Variants in RAB23 observed in about 807,000 individuals in gnomAD.
RAB23 encodes ras-related protein Rab-23.
RAB23 carries 15 observed loss-of-function variants against 30.0 expected under a neutral mutation model. That is an observed-to-expected ratio of 0.50 (90% CI 0.33 to 0.77). RAB23 has a LOEUF of 0.77. RAB23 is among the 30% of genes least tolerant of loss of function. The pLI is 0.02. For missense variants in RAB23, 243 were observed against 275.4 expected, an observed-to-expected ratio of 0.88 and a Z score of 0.83; for synonymous variants, 93 against 94.0, an observed-to-expected ratio of 0.99 and a Z score of 0.06.
intron 1 of RAB23, among the ~76,000 whole-genome samples, chr6:57,217,820 A>C (rs1457905789): frequency 3.9e-5 from 6 of 152,216 alleles, no homozygotes; most frequent in Non-Finnish European, 7.3e-5. Context: ...TTTTGAGAAG[A>C]TCAATAAATT....
intron 6 of RAB23, among the ~76,000 whole-genome samples, chr6:57,191,610 C>T (rs1205639004): frequency 7.2e-5 from 11 of 151,826 alleles, no homozygotes; most frequent in East Asian, 3.9e-4. Flanking sequence ...CCGCCACGCC[C>T]GGCTAATTTT....
Position 57,189,526 on chromosome 6 carries a change from T to G in RAB23, c.*935A>C, listed in dbSNP as rs1219092802. On this transcript the variant is annotated 3_prime_UTR_variant, in exon 7 of 7. Transcript: ENST00000468148. ...TGTGCTGTGTACCTTCTTAAGGGGC[T>G]TTGGCTGACCTTATGAGAGCAGGAG... 6.6e-6 allele frequency: 1 copy of G among 152,278 alleles called. No individual in the cohort carries two copies. Among genetic ancestry groups the G allele is most frequent in the African/African-American group, 2.4e-5 (1 of 41,458 alleles). The allele number at this position is 152,278 out of a possible 1,614,324, so 9.4% of individuals were successfully genotyped here.
At chr6:57,210,039 G>A (rs1416490468) in intron 2 of RAB23, among the ~76,000 whole-genome samples, 187 bp downstream of exon 2, 1 of 148,688 alleles carries the variant, frequency 6.7e-6, no homozygotes, top group African/African-American at 2.6e-5. Flanking sequence ...TGAAAGAAGG[G>A]AAGAGATGAA....
chr6:57,210,683 C>T (rs1765620650), intron 1 of RAB23, among the ~76,000 whole-genome samples: 1 of 152,192 alleles, frequency 6.6e-6, no homozygotes, highest in Non-Finnish European at 1.5e-5. Flanking sequence ...ATACCTAGAT[C>T]TACTTTCATA....
chr6:57,211,430 A>C (rs1464050742), intron 1 of RAB23, among the ~76,000 whole-genome samples: 2 of 152,206 alleles, frequency 1.3e-5, no homozygotes, highest in Non-Finnish European at 2.9e-5. Flanking sequence ...ACTGTACTCC[A>C]GCCTAGGTGA....
intron 4 of RAB23, among the ~76,000 whole-genome samples, chr6:57,195,172 C>T (rs1400182467): frequency 6.6e-6 from 1 of 152,132 alleles, no homozygotes; most frequent in Non-Finnish European, 1.5e-5. Flanking sequence ...ATCTCTAGCC[C>T]TAAACTAAGA....
At chr6:57,192,014 C>CT (rs1328135395) in intron 6 of RAB23, among the ~76,000 whole-genome samples, 1,758 of 145,814 alleles carry the variant, frequency 0.012, 33 homozygotes, top group African/African-American at 0.041. Flanking sequence ...GCTAATTTTT[C>CT]TTTTTTTTTT....
intron 3 of RAB23, among the ~76,000 whole-genome samples, chr6:57,198,741 G>A (rs902586092): frequency 8.6e-5 from 13 of 151,924 alleles, no homozygotes; most frequent in Middle Eastern, 3.2e-3. Flanking sequence ...TAAGCCTACA[G>A]CTTTATGTCC....
intron 3 of RAB23, among the ~76,000 whole-genome samples, chr6:57,200,536 CAAA>C (rs989178921): frequency 1.2e-4 from 5 of 42,660 alleles, no homozygotes; most frequent in Non-Finnish European, 2.0e-4. Context: ...GACTCTGTCT[CAAA>C]AAAAAAAAAA....
rs553429614 is a variant in RAB23 at position 57,212,703 on chromosome 6, A to C, written c.-65-2258T>G. 1.7e-4 allele frequency among the ~76,000 whole-genome samples: 25 copies of C among 145,972 alleles called. No individual in the cohort carries two copies. In the South Asian group the frequency reaches 2.0e-3, roughly 12 times the overall value. Reference sequence around the variant, plus strand: ...TCAAGACCAGCCTGGGCACCATGTGAGTCCCTGTCTCTACCAAAAAAAAAA... The same window carrying C: ...TCAAGACCAGCCTGGGCACCATGTGCGTCCCTGTCTCTACCAAAAAAAAAA... On this transcript the variant is annotated intron_variant, in intron 1 of 6. Transcript: ENST00000468148.
chr6:57,194,549 A>G (rs1194991216), intron 5 of RAB23, among the ~76,000 whole-genome samples: 2 of 152,122 alleles, frequency 1.3e-5, no homozygotes, highest in African/African-American at 4.8e-5. Flanking sequence ...TTCAAAGATA[A>G]TAATAAAAAT....
chr6:57,205,240 GTA>G (rs1195339889), intron 3 of RAB23, among the ~76,000 whole-genome samples: 2 of 151,684 alleles, frequency 1.3e-5, no homozygotes, highest in East Asian at 3.9e-4. Context: ...GTGTGTGTAT[GTA>G]TGTGTGTGTG....
chr6:57,203,897 G>T (rs1765358360), intron 3 of RAB23, among the ~76,000 whole-genome samples: 2 of 152,138 alleles, frequency 1.3e-5, no homozygotes, highest in Non-Finnish European at 2.9e-5. Flanking sequence ...AGTAAATAGA[G>T]TGGTAAGTAG....
rs1204259716 is a variant in RAB23, at chr6:57,221,756, G to GCGCTGC, written c.-102_-97dup. The GCGCTGC allele has an allele frequency of 1.3e-5, 2 of 152,306 alleles. No homozygotes were observed. The highest frequency in any genetic ancestry group is 2.9e-5 in the Non-Finnish European group (2 of 68,102). The allele number at this position is 152,306 out of a possible 1,614,324, so 9.4% of individuals were successfully genotyped here. On this transcript the variant is annotated 5_prime_UTR_variant, in exon 1 of 7. Coordinates refer to ENST00000468148, the MANE Select transcript of RAB23 (RefSeq NM_016277.5). ...GGAGCTGGGAGGGGGCGCCGGGCTG[G>GCGCTGC]CGCTGCCGCCCACCTTCTCTAGCTG... is the stretch of plus-strand genomic sequence containing the variant.
In RAB23 at chr6:57,196,525, ACTACTT is replaced by A. The variant is rs1168872090; in HGVS notation, c.317_322del (p.Lys106_Val108delinsIle). 1 of 1,614,038 alleles carries A rather than the reference ACTACTT, an allele frequency of 6.2e-7. No homozygotes were observed. The highest frequency in any genetic ancestry group is 1.7e-5 in the Admixed American group (1 of 60,008). On this transcript the variant is annotated inframe_deletion, in exon 4 of 7. Coordinates refer to ENST00000468148, the MANE Select transcript of RAB23 (RefSeq NM_016277.5). ...AGTTGGTATATCTCCCACTTCGGCT[ACTACTT>A]TCTCTCTCCAACTGGAAACTGCTTC... is the stretch of plus-strand genomic sequence containing the variant.
rs147150019 is a variant in RAB23, at chr6:57,206,265, G to A, written c.241+1363C>T. Among the ~76,000 whole-genome samples, 53 of 152,180 alleles carry A rather than the reference G, an allele frequency of 3.5e-4. 1 individual carries two copies. The highest frequency in any genetic ancestry group is 1.3e-3 in the African/African-American group (53 of 41,532). Reference sequence around the variant, plus strand: ...AGGAAAGAAGTAAAGCCATGTGGAAGGTCATATTTAAAAAGTGGTAGGGTC... The same window carrying A: ...AGGAAAGAAGTAAAGCCATGTGGAAAGTCATATTTAAAAAGTGGTAGGGTC... On this transcript the variant is annotated intron_variant, in intron 3 of 6. Coordinates refer to ENST00000468148, the MANE Select transcript of RAB23 (RefSeq NM_016277.5).
At chr6:57,197,535 C>G (rs1028133636) in intron 3 of RAB23, among the ~76,000 whole-genome samples, 1 of 152,116 alleles carries the variant, frequency 6.6e-6, no homozygotes, top group Non-Finnish European at 1.5e-5. Context: ...ACACATCCCT[C>G]TGGTATAAGA....
chr6:57,212,131 A>G (rs1197978670), intron 1 of RAB23, among the ~76,000 whole-genome samples: 1 of 152,220 alleles, frequency 6.6e-6, no homozygotes, highest in Non-Finnish European at 1.5e-5. Flanking sequence ...CTCTCCCTTC[A>G]TGAGCTGCTA....
chr6:57,205,268 A>G (rs1476872110), intron 3 of RAB23, among the ~76,000 whole-genome samples: 1 of 152,144 alleles, frequency 6.6e-6, no homozygotes, highest in East Asian at 1.9e-4. Flanking sequence ...ATATATAAAA[A>G]TAAAATTTCA....
Sources: allele counts gnomAD v4.1 joint callset (sites outside exome capture counted in the v4.1 genomes callset), GRCh38; gene constraint gnomAD v4.1.1; transcripts MANE v1.5; gene names NCBI Gene and HGNC (gene_info 2026-07-23, HGNC 2026-07-21).